PCDH11Y: variants seen among roughly 807,000 people sequenced by gnomAD.
PCDH11Y encodes the protein protocadherin-11 Y-linked.
For synonymous variants in PCDH11Y, 9 were observed against 83.6 expected (o/e 0.11, Z 4.87); for missense variants, 12 against 224.8 (o/e 0.05, Z 6.05).
At chrY:5,021,415 G>A (rs2052569492) in intron 1 of PCDH11Y, among the ~76,000 whole-genome samples, 3 of 33,213 alleles carry the variant, frequency 9.0e-5, no homozygotes, top group South Asian at 6.9e-4. Context: ...ATAATCCCAC[G>A]TACTCGGGAG....
intron 2 of PCDH11Y, among the ~76,000 whole-genome samples, chrY:5,459,442 A>G (rs2053301333): frequency 1.5e-4 from 5 of 32,365 alleles, no homozygotes; most frequent in Non-Finnish European, 3.1e-4. Flanking sequence ...ACATAAACAT[A>G]TCATCTAACT....
intron 2 of PCDH11Y, among the ~76,000 whole-genome samples, chrY:5,169,929 A>G (rs2124645434): frequency 3.1e-5 from 1 of 31,961 alleles, no homozygotes; most frequent in South Asian, 6.8e-4. Context: ...CAGTTATTGA[A>G]CTGCAAAATG....
At chrY:5,008,247 T>C in intron 1 of PCDH11Y, among the ~76,000 whole-genome samples, 1 of 30,852 alleles carries the variant, frequency 3.2e-5, no homozygotes, top group Non-Finnish European at 7.8e-5. Flanking sequence ...TATTTTTACA[T>C]AAGATTTATT....
chrY:5,208,390 G>A, intron 2 of PCDH11Y, among the ~76,000 whole-genome samples: 4 of 32,299 alleles, frequency 1.2e-4, no homozygotes, highest in African/African-American at 4.9e-4. Flanking sequence ...ATGTGTATGT[G>A]AAAAATACTA....
intron 2 of PCDH11Y, among the ~76,000 whole-genome samples, chrY:5,443,225 C>A: frequency 3.1e-5 from 1 of 32,646 alleles, no homozygotes; most frequent in Non-Finnish European, 7.6e-5. Flanking sequence ...ATTTCATGAA[C>A]AAGTGGGGTT....
Position 5,741,887 on chromosome Y carries a change from T to C in PCDH11Y, c.*3945T>C, listed in dbSNP as rs2124716943. 3 of 33,095 alleles carry C rather than the reference T, an allele frequency of 9.1e-5. No individual in the cohort carries two copies. In the East Asian group the frequency reaches 2.4e-3, roughly 26 times the overall value. 8.3% of individuals were successfully genotyped at this position (33,095 alleles called of 400,897 possible). A position where few individuals can be genotyped will look rare whatever the true frequency, so the allele number is the denominator to read the frequency against. ...ATGTATGTGCACAAATAAAAAAAAT[T>C]AATGGCAATTGTTTAGTGACTGTAA... On this transcript the variant is annotated 3_prime_UTR_variant, in exon 5 of 5. Transcript: ENST00000400457.
At chrY:5,239,599 A>G (rs2052986128) in intron 2 of PCDH11Y, among the ~76,000 whole-genome samples, 19 of 33,779 alleles carry the variant, frequency 5.6e-4, no homozygotes, top group Non-Finnish European at 8.8e-4. Context: ...AAAACATTTC[A>G]TGCTGCAAAA....
intron 4 of PCDH11Y, among the ~76,000 whole-genome samples, chrY:5,639,890 T>C (rs2053521791): frequency 3.2e-5 from 1 of 31,525 alleles, no homozygotes; most frequent in Non-Finnish European, 7.6e-5. Context: ...AAGATTTCTC[T>C]GTAGCCTGCC....
At chrY:5,535,708 T>A in intron 3 of PCDH11Y, among the ~76,000 whole-genome samples, 1 of 33,023 alleles carries the variant, frequency 3.0e-5, no homozygotes, top group Admixed American at 2.8e-4. Context: ...GTGCAAGTAT[T>A]TTTTTCGTCT....
intron 2 of PCDH11Y, among the ~76,000 whole-genome samples, chrY:5,478,412 A>G (rs1602931370): frequency 6.1e-5 from 2 of 32,932 alleles, no homozygotes; most frequent in Admixed American, 5.5e-4. Context: ...ACTCTTTTGC[A>G]TTTGCTGGGG....
intron 1 of PCDH11Y, among the ~76,000 whole-genome samples, chrY:5,095,840 G>T (rs2124634629): frequency 1.5e-4 from 5 of 32,855 alleles, no homozygotes; most frequent in African/African-American, 5.9e-4. Flanking sequence ...GAGTAAAATA[G>T]GAATAGAATG....
chrY:5,556,451 A>G (rs2053423053), intron 3 of PCDH11Y, among the ~76,000 whole-genome samples: 2 of 32,943 alleles, frequency 6.1e-5, no homozygotes, highest in Non-Finnish European at 1.5e-4. Context: ...GTGTATGTTC[A>G]TGTCCATTGT....
At chrY:5,378,939 T>C in intron 2 of PCDH11Y, among the ~76,000 whole-genome samples, 1 of 33,439 alleles carries the variant, frequency 3.0e-5, no homozygotes. Flanking sequence ...CAAAAGTTAA[T>C]GCCTGTGGAA....
intron 2 of PCDH11Y, among the ~76,000 whole-genome samples, chrY:5,336,431 C>T (rs2053137431): frequency 3.3e-5 from 1 of 29,901 alleles, no homozygotes; most frequent in African/African-American, 1.3e-4. Context: ...CCACCTCGCC[C>T]GGCTAATTTT....
chrY:5,465,302 C>T, intron 2 of PCDH11Y, among the ~76,000 whole-genome samples: 1 of 31,935 alleles, frequency 3.1e-5, no homozygotes, highest in African/African-American at 1.2e-4. Flanking sequence ...TTACAAGACT[C>T]GCTTCTTATA....
chrY:5,370,169 G>A, intron 2 of PCDH11Y, among the ~76,000 whole-genome samples: 1 of 33,572 alleles, frequency 3.0e-5, no homozygotes, highest in Non-Finnish European at 7.4e-5. Flanking sequence ...TTTCAGAGAC[G>A]TATTGCTGCA....
intron 2 of PCDH11Y, among the ~76,000 whole-genome samples, chrY:5,374,281 T>TA: frequency 3.3e-5 from 1 of 30,507 alleles, no homozygotes; most frequent in East Asian, 8.5e-4. Context: ...TAGATTGACT[T>TA]ACTGTGTCTA....
intron 2 of PCDH11Y, among the ~76,000 whole-genome samples, chrY:5,115,796 A>G (rs2052808794): frequency 5.4e-5 from 1 of 18,410 alleles, no homozygotes; most frequent in Non-Finnish European, 1.1e-4. Context: ...GCTGGAGTGC[A>G]GTGGTGCGAT....
chrY:5,024,142 G>A, intron 1 of PCDH11Y, among the ~76,000 whole-genome samples: 1 of 33,084 alleles, frequency 3.0e-5, no homozygotes, highest in East Asian at 7.9e-4. Flanking sequence ...CGGACTACAT[G>A]AAATTTCTAT....
Sources: allele counts gnomAD v4.1 joint callset (sites outside exome capture counted in the v4.1 genomes callset), GRCh38; gene constraint gnomAD v4.1.1; transcripts MANE v1.5; gene names NCBI Gene and HGNC (gene_info 2026-07-23, HGNC 2026-07-21).